The following HIVEP3 variants were observed in gnomAD, a reference collection of about 807,000 sequenced individuals.
HIVEP3 encodes transcription factor HIVEP3.
In HIVEP3, 49 loss-of-function variants were observed where a neutral mutation model predicts 152.8. The observed-to-expected ratio is 0.32, with a 90% confidence interval of 0.26 to 0.41. The LOEUF (loss-of-function observed/expected upper bound fraction) is 0.41. HIVEP3 is among the 10% of genes least tolerant of loss of function. The pLI is 1.00. For synonymous variants in HIVEP3, 1,269 were observed against 1,289.0 expected (o/e 0.98, Z 0.33); for missense variants, 2,790 against 3,103.3 (o/e 0.90, Z 2.40).
intron 1 of HIVEP3, among the ~76,000 whole-genome samples, chr1:42,013,563 G>T (rs943869571): frequency 3.3e-5 from 5 of 152,194 alleles, no homozygotes; most frequent in African/African-American, 9.7e-5. Context: ...TTCCAGCAAT[G>T]AATTAATAAC....
At position 41,581,019 on chromosome 1, in the gene HIVEP3, T is replaced by C. The variant is rs771611124; in HGVS notation, c.3779A>G (p.Gln1260Arg). The stretch of plus-strand genomic sequence containing the variant: ...CAGTGGGGCCAGGCTGGTTTTGATC[T>C]GGGGCAGATGGCTTTCCACATCACC... ...LPGDVESHLPQIKTSLAPLAT... is the reference protein window; with the variant it reads ...LPGDVESHLPRIKTSLAPLAT... The change falls in exon 4 of 9, where the codon CAG becomes CGG. Residue 1260 changes from glutamine (Q) to arginine (R), a missense_variant. This residue lies in a region of HIVEP3 where 1,078 missense variants were observed against 1,165.3 expected (regional missense o/e 0.93). Coordinates refer to ENST00000372583, the MANE Select transcript of HIVEP3 (RefSeq NM_024503.5). The surrounding 1 kb of genome is among the most constrained non-coding windows in gnomAD (Gnocchi z 4.5). 6.4e-7 allele frequency: 1 copy of C among 1,558,078 alleles called. No homozygotes were observed. The highest frequency in any genetic ancestry group is 2.3e-5 in the East Asian group (1 of 44,402).
chr1:41,999,950 T>C (rs1204886198), intron 1 of HIVEP3, among the ~76,000 whole-genome samples: 2 of 152,172 alleles, frequency 1.3e-5, no homozygotes, highest in Non-Finnish European at 2.9e-5. Flanking sequence ...TCTAGTGTTA[T>C]TAAATATGTC....
chr1:41,561,852 C>A (rs540911317), intron 5 of HIVEP3, among the ~76,000 whole-genome samples: 3 of 138,564 alleles, frequency 2.2e-5, no homozygotes, highest in African/African-American at 5.3e-5. Flanking sequence ...AATGCATTTA[C>A]AGAGTTGGTG....
chr1:41,982,173 G>A (rs1645297178), intron 1 of HIVEP3, among the ~76,000 whole-genome samples: 2 of 152,200 alleles, frequency 1.3e-5, no homozygotes, highest in African/African-American at 4.8e-5. Context: ...AGCATTGAAA[G>A]CGAAGCCTTA....
At chr1:41,688,752 T>C (rs570875304) in intron 2 of HIVEP3, among the ~76,000 whole-genome samples, 6 of 152,276 alleles carry the variant, frequency 3.9e-5, no homozygotes, top group African/African-American at 1.2e-4. Flanking sequence ...ACCTCTCCTC[T>C]GATCATTCTG....
Position 41,763,198 on chromosome 1 carries a change from T to C in HIVEP3, c.-800-62203A>G, listed in dbSNP as rs528092667. 2.6e-5 allele frequency among the ~76,000 whole-genome samples: 4 copies of C among 152,288 alleles called. No individual in the cohort carries two copies. The East Asian group carries it at 7.7e-4, about 29-fold the overall frequency. ...CATTAACATCTCTGCTAAGAGCTGC[T>C]CCAGCATGCTCAAGGAGACATGCTG... On this transcript the variant is annotated intron_variant, in intron 1 of 8. Transcript: ENST00000372583.
intron 1 of HIVEP3, among the ~76,000 whole-genome samples, chr1:41,953,197 A>G (rs774972373): frequency 5.3e-5 from 8 of 151,830 alleles, no homozygotes; most frequent in Non-Finnish European, 1.0e-4. Flanking sequence ...TTCAAATTTC[A>G]CTTCTGCTGG....
At chr1:41,788,599 G>A (rs1315946958) in intron 1 of HIVEP3, among the ~76,000 whole-genome samples, 1 of 133,214 alleles carries the variant, frequency 7.5e-6, no homozygotes, top group African/African-American at 2.5e-5. Context: ...AGCAGCACAG[G>A]TTAGGCACAG....
Position 41,533,456 on chromosome 1 carries a change from C to A in HIVEP3, c.5208-8546G>T, listed in dbSNP as rs689076. Among the ~76,000 whole-genome samples the A allele has an allele frequency of 2.1e-4, 32 of 151,876 alleles. No individual in the cohort carries two copies. In the East Asian group the frequency reaches 6.3e-3, roughly 30 times the overall value. On this transcript the variant is annotated intron_variant, in intron 5 of 8. Coordinates refer to ENST00000372583, the MANE Select transcript of HIVEP3 (RefSeq NM_024503.5). The surrounding 1 kb of genome is among the most constrained non-coding windows in gnomAD (Gnocchi z 4.3). Reference sequence around the variant, plus strand: ...CCTGGGCCCAAATCCCGGGCCAGCTCTGCTGTCCCTCTTTCCTGCACAGCC... The same window carrying A: ...CCTGGGCCCAAATCCCGGGCCAGCTATGCTGTCCCTCTTTCCTGCACAGCC...
At chr1:41,543,586 G>A (rs955178142) in intron 5 of HIVEP3, 2 of 152,274 alleles carry the variant, frequency 1.3e-5, no homozygotes, top group Non-Finnish European at 2.9e-5. Context: ...ACTCTACAAG[G>A]CCTCATAGCT....
chr1:42,006,529 T>C (rs1364032972), intron 1 of HIVEP3, among the ~76,000 whole-genome samples: 1 of 143,774 alleles, frequency 7.0e-6, no homozygotes, highest in East Asian at 2.0e-4. Context: ...TTAACATAAG[T>C]AACATATTTT....
Position 41,932,861 on chromosome 1 carries a change from T to G in HIVEP3, n.120-14337A>C, listed in dbSNP as rs567802414. On this transcript the variant is annotated intron_variant and non_coding_transcript_variant, in intron 1 of 3. Coordinates refer to the HIVEP3 transcript ENST00000489103. ...TACTTTAGCTTCATTTCCCAAATTG[T>G]GATATGTTGTAGTTCTTTTTCATTC... 9.7e-4 allele frequency among the ~76,000 whole-genome samples: 147 copies of G among 152,010 alleles called. 1 individual carries two copies. Among genetic ancestry groups the G allele is most frequent in the South Asian group, 5.2e-3 (25 of 4,822 alleles).
chr1:41,778,612 C>T (rs1472096985), intron 1 of HIVEP3, among the ~76,000 whole-genome samples: 3 of 152,182 alleles, frequency 2.0e-5, no homozygotes, highest in Non-Finnish European at 4.4e-5. Context: ...GCTGAGCTCT[C>T]GCTTCATTCA....
intron 1 of HIVEP3, among the ~76,000 whole-genome samples, chr1:41,777,726 A>C (rs780942623): frequency 6.6e-6 from 1 of 152,256 alleles, no homozygotes; most frequent in Non-Finnish European, 1.5e-5. Context: ...AGTAGCTGCC[A>C]ATTCTAAAAG....
chr1:41,524,013 G>C (rs1399396247), intron 6 of HIVEP3, among the ~76,000 whole-genome samples: 2 of 152,228 alleles, frequency 1.3e-5, no homozygotes, highest in Non-Finnish European at 2.9e-5. Flanking sequence ...CAGGGGCCTG[G>C]CCTGGGTGGC....
intron 1 of HIVEP3, among the ~76,000 whole-genome samples, chr1:41,707,701 T>C (rs1433622006): frequency 1.3e-5 from 2 of 152,230 alleles, no homozygotes; most frequent in Non-Finnish European, 1.5e-5. Context: ...TGCTACTTAT[T>C]AGCTGTGCCC....
intron 1 of HIVEP3, among the ~76,000 whole-genome samples, chr1:41,702,778 G>A (rs1468366186): frequency 6.6e-6 from 1 of 152,232 alleles, no homozygotes; most frequent in African/African-American, 2.4e-5. Context: ...TGCTAAAACA[G>A]TCTTGGAGGT....
intron 1 of HIVEP3, among the ~76,000 whole-genome samples, chr1:41,965,741 A>G (rs1168745296): frequency 6.6e-6 from 1 of 152,214 alleles, no homozygotes; most frequent in Non-Finnish European, 1.5e-5. Context: ...AAAAGGACCA[A>G]ACCTACGACT....
chr1:41,662,760 G>A lies in HIVEP3; in HGVS notation c.-720-33813C>T, dbSNP rs1292063292. The stretch of plus-strand genomic sequence containing the variant: ...GTCTTTTCCTCCTGGGCCCTCTAGG[G>A]AGGGCAGACAGGGAAGCCCCTGTCG... On this transcript the variant is annotated intron_variant, in intron 2 of 8. Transcript: ENST00000372583. This position sits in a 1 kb window ranked among gnomAD's most constrained non-coding sequence, Gnocchi z 7.2. Among the ~76,000 whole-genome samples the A allele has an allele frequency of 6.6e-6, 1 of 151,686 alleles. No individual in the cohort carries two copies. The highest frequency in any genetic ancestry group is 2.4e-5 in the African/African-American group (1 of 41,336).
Sources: gnomAD v4.1 joint callset for allele counts (sites outside exome capture counted in the v4.1 genomes callset) on GRCh38, gnomAD v4.1.1 for gene constraint, gnomAD v4.1.1 regional missense constraint, Gnocchi (gnomAD v3.1) non-coding constraint, MANE v1.5 for transcripts, NCBI Gene and HGNC (gene_info 2026-07-23, HGNC 2026-07-21) for gene names.